Variants in RALGPS2 observed in about 807,000 individuals in gnomAD.
RALGPS2 encodes the protein ras-specific guanine nucleotide-releasing factor RalGPS2.
In RALGPS2, 43 loss-of-function variants were observed where a neutral mutation model predicts 86.8. The observed-to-expected ratio is 0.50, with a 90% confidence interval of 0.39 to 0.64. RALGPS2 has a LOEUF of 0.64. RALGPS2 is among the 30% of genes least tolerant of loss of function. The probability of loss-of-function intolerance (pLI) is 0.00; values close to 1 mark genes in which losing one functional copy is unlikely to be tolerated. For missense variants in RALGPS2, 536 were observed against 694.6 expected, an observed-to-expected ratio of 0.77 and a Z score of 2.57; for synonymous variants, 243 against 231.3, an observed-to-expected ratio of 1.05 and a Z score of -0.46.
At chr1:178,737,381 G>T (rs535652469) in intron 1 of RALGPS2, among the ~76,000 whole-genome samples, 1 of 152,284 alleles carries the variant, frequency 6.6e-6, no homozygotes, top group African/African-American at 2.4e-5. Context: ...GAGTAGCTGG[G>T]ATTACAGGCG....
rs1321064999 is a variant in RALGPS2, at chr1:178,916,684, C to CT, written c.*327dup. 1 of 303,316 alleles carries CT rather than the reference C, an allele frequency of 3.3e-6. No homozygotes were observed. Among genetic ancestry groups the CT allele is most frequent in the African/African-American group, 2.2e-5 (1 of 46,488 alleles). 18.8% of individuals were successfully genotyped at this position (303,316 alleles called of 1,614,324 possible). A position where few individuals can be genotyped will look rare whatever the true frequency, so the allele number is the denominator to read the frequency against. On this transcript the variant is annotated 3_prime_UTR_variant, in exon 20 of 20. Coordinates refer to ENST00000367635, the MANE Select transcript of RALGPS2 (RefSeq NM_152663.5). ...GTGTGAATCTTCTGGCGGTGCTGTGCTTGGAATAGATCGTAGCTAATTTGC... is the reference window on the plus strand; with the variant it reads ...GTGTGAATCTTCTGGCGGTGCTGTGCTTTGGAATAGATCGTAGCTAATTTGC...
chr1:178,856,202 G>GAGATATATATATATATATAT (rs1428022812), intron 8 of RALGPS2, among the ~76,000 whole-genome samples: 7 of 83,904 alleles, frequency 8.3e-5, no homozygotes, highest in African/African-American at 3.8e-4. Context: ...GAGAGAGAGA[G>GAGATATATATATATATATAT]ATATATATAT....
At chr1:178,897,124 A>G (rs1022346533) in intron 16 of RALGPS2, among the ~76,000 whole-genome samples, 4 of 152,044 alleles carry the variant, frequency 2.6e-5, no homozygotes, top group African/African-American at 9.7e-5. Context: ...AAAGTGGGCG[A>G]AGGACATGAA....
intron 8 of RALGPS2, among the ~76,000 whole-genome samples, chr1:178,854,545 T>C (rs1182556686): frequency 1.3e-5 from 2 of 152,142 alleles, no homozygotes; most frequent in Admixed American, 1.3e-4. Flanking sequence ...TTCAGGAATG[T>C]TAGCATAAAT....
At chr1:178,849,171 G>A (rs1234441330) in intron 8 of RALGPS2, among the ~76,000 whole-genome samples, 1 of 152,160 alleles carries the variant, frequency 6.6e-6, no homozygotes, top group Non-Finnish European at 1.5e-5. Flanking sequence ...TGAGATAGGA[G>A]TTTATAAATT....
At chr1:178,731,599 A>T (rs1484821061) in intron 1 of RALGPS2, among the ~76,000 whole-genome samples, 1 of 152,034 alleles carries the variant, frequency 6.6e-6, no homozygotes, top group Admixed American at 6.6e-5. Flanking sequence ...TCTAGTTTGA[A>T]GTGGTTGTTG....
chr1:178,731,531 C>T (rs372174737), intron 1 of RALGPS2, among the ~76,000 whole-genome samples: 8 of 152,118 alleles, frequency 5.3e-5, no homozygotes, highest in African/African-American at 1.9e-4. Flanking sequence ...GATCCGCCTA[C>T]CTCGGCCTCT....
chr1:178,846,875 A>G (rs1235501382), intron 8 of RALGPS2, among the ~76,000 whole-genome samples: 1 of 152,196 alleles, frequency 6.6e-6, no homozygotes, highest in African/African-American at 2.4e-5. Flanking sequence ...TTAGGCCTAT[A>G]TAGCTGACAC....
chr1:178,886,542 T>C (rs1432280358), intron 13 of RALGPS2, among the ~76,000 whole-genome samples: 2 of 152,228 alleles, frequency 1.3e-5, no homozygotes, highest in Non-Finnish European at 2.9e-5. Context: ...AGGTGTGTTT[T>C]GGACATGTTT....
chr1:178,907,177 G>A (rs1660421248), intron 19 of RALGPS2, among the ~76,000 whole-genome samples: 1 of 152,178 alleles, frequency 6.6e-6, no homozygotes, highest in Admixed American at 6.5e-5. Context: ...AGATCTCCCT[G>A]AGGAGATGGT....
At chr1:178,741,070 A>T (rs1650995253) in intron 1 of RALGPS2, among the ~76,000 whole-genome samples, 1 of 152,232 alleles carries the variant, frequency 6.6e-6, no homozygotes. Context: ...TTTGCAACTA[A>T]GAGTCTAACT....
In RALGPS2 at chr1:178,776,699, C is replaced by A; in HGVS notation, c.-66C>A. Reference sequence around the variant, plus strand: ...TTTTACAGGAATAATGTATTTGTGGCCTTGGACATGAGGCAGTCAGTCCTC... The same window carrying A: ...TTTTACAGGAATAATGTATTTGTGGACTTGGACATGAGGCAGTCAGTCCTC... On this transcript the variant is annotated 5_prime_UTR_variant, in exon 2 of 20. Transcript: ENST00000367635. The A allele has an allele frequency of 8.2e-7, 1 of 1,217,058 alleles. No homozygotes were observed. The highest frequency in any genetic ancestry group is 1.2e-6 in the Non-Finnish European group (1 of 859,562). The allele number at this position is 1,217,058 out of a possible 1,614,324, so 75.4% of individuals were successfully genotyped here. A position where few individuals can be genotyped will look rare whatever the true frequency, so the allele number is the denominator to read the frequency against.
chr1:178,747,154 A>G, intron 1 of RALGPS2: 1 of 1,003,876 alleles, frequency 1.0e-6, no homozygotes, highest in Non-Finnish European at 1.6e-6. Context: ...AAACAAGACA[A>G]GTGTCTACCA....
At chr1:178,847,974 G>A (rs1468070575) in intron 8 of RALGPS2, among the ~76,000 whole-genome samples, 1 of 152,112 alleles carries the variant, frequency 6.6e-6, no homozygotes, top group Admixed American at 6.6e-5. Context: ...CTCCCATTTA[G>A]TCCAGAATAG....
chr1:178,803,675 A>C (rs925874067), intron 4 of RALGPS2, among the ~76,000 whole-genome samples: 1 of 150,392 alleles, frequency 6.6e-6, no homozygotes, highest in Non-Finnish European at 1.5e-5. Context: ...TATTTTTGCT[A>C]TAGAATTGCT....
At chr1:178,849,687 C>G (rs1657052366) in intron 8 of RALGPS2, 1 of 152,132 alleles carries the variant, frequency 6.6e-6, no homozygotes, top group Non-Finnish European at 1.5e-5. Flanking sequence ...ACAGGTAAAA[C>G]AAAGAATAAT....
intron 7 of RALGPS2, among the ~76,000 whole-genome samples, chr1:178,829,012 A>T (rs1230494514): frequency 1.3e-5 from 2 of 152,210 alleles, no homozygotes; most frequent in Non-Finnish European, 2.9e-5. Flanking sequence ...AGGATATGGA[A>T]CCAACCTAAA....
intron 1 of RALGPS2, among the ~76,000 whole-genome samples, chr1:178,767,980 C>T (rs899960521): frequency 6.6e-6 from 1 of 152,156 alleles, no homozygotes; most frequent in African/African-American, 2.4e-5. Flanking sequence ...GGGCTCATAG[C>T]GATTCCCCCA....
chr1:178,770,793 G>A (rs1303115151), intron 1 of RALGPS2, among the ~76,000 whole-genome samples: 1 of 145,114 alleles, frequency 6.9e-6, no homozygotes, highest in Non-Finnish European at 1.5e-5. Context: ...TTACCTCTTA[G>A]TACTTCTGCG....
Sources: allele counts gnomAD v4.1 joint callset (sites outside exome capture counted in the v4.1 genomes callset), GRCh38; gene constraint gnomAD v4.1.1; transcripts MANE v1.5; gene names NCBI Gene and HGNC (gene_info 2026-07-23, HGNC 2026-07-21).